Variants in RYR1 observed in about 807,000 individuals in gnomAD.
RYR1 encodes central core disease of muscle.
RYR1 carries 342 observed loss-of-function variants against 583.5 expected under a neutral mutation model. The ratio of observed to expected loss-of-function variants is 0.59; its 90% CI spans 0.54 to 0.64. The LOEUF is 0.64. RYR1 is among the 30% of genes least tolerant of loss of function. The pLI is 0.00. For missense variants in RYR1, 6,032 were observed against 6,917.2 expected, an observed-to-expected ratio of 0.87 and a Z score of 4.54; for synonymous variants, 2,791 against 2,822.5, an observed-to-expected ratio of 0.99 and a Z score of 0.35.
intron 9 of RYR1, among the ~76,000 whole-genome samples, chr19:38,447,193 C>G (rs1044870622): frequency 6.6e-6 from 1 of 151,690 alleles, no homozygotes; most frequent in Non-Finnish European, 1.5e-5. Context: ...CCACAGTACT[C>G]CAGTCTGGGT....
At chr19:38,451,306 G>T (rs1322017218) in intron 11 of RYR1, among the ~76,000 whole-genome samples, 1 of 152,180 alleles carries the variant, frequency 6.6e-6, no homozygotes, top group Admixed American at 6.6e-5. Flanking sequence ...AGGTCGGCTT[G>T]GGGTGAAGCT....
chr19:38,582,418 A>C (rs958729675), intron 101 of RYR1, among the ~76,000 whole-genome samples: 6 of 151,342 alleles, frequency 4.0e-5, no homozygotes, highest in Admixed American at 2.0e-4. Context: ...AAAAAAAAAA[A>C]GACTTAGACT....
Position 38,529,064 on chromosome 19 carries a change from A to G in RYR1, c.11141+7A>G, listed in dbSNP as rs78350770. 2,023 of 1,612,862 alleles carry G rather than the reference A, an allele frequency of 1.3e-3. 38 individuals are homozygous for G. In the East Asian group the frequency reaches 0.036, roughly 28 times the overall value. On this transcript the variant is annotated splice_region_variant and intron_variant, in intron 76 of 105. Coordinates refer to ENST00000359596, the MANE Select transcript of RYR1 (RefSeq NM_000540.3). ...CTGCCCTGACGGAAAAGAGGTGAAG[A>G]CTCTTGCCAGGGCCCCAGAAATGCC... is the stretch of plus-strand genomic sequence containing the variant.
At position 38,565,666 on chromosome 19, in the gene RYR1, C is replaced by T. The variant is rs745683436; in HGVS notation, c.13332C>T (p.Gly4444=). ...GGGCGGTGGCCGTGACCGATGGGGG[C>T]CCCTTCCGGCCCGAAGGGGCTGGCG... ...ADGAVAVTDG[G]PFRPEGAGGL... Residue 4444 remains glycine (G), a synonymous_variant, in exon 91 of 106, where the codon GGC becomes GGT. Transcript: ENST00000359596. The surrounding 1 kb of genome is among the most constrained non-coding windows in gnomAD (Gnocchi z 4.7). 1.7e-5 allele frequency: 24 copies of T among 1,390,346 alleles called. No individual in the cohort carries two copies. The East Asian group carries it at 4.5e-4, about 26-fold the overall frequency. The allele number at this position is 1,390,346 out of a possible 1,614,324, so 86.1% of individuals were successfully genotyped here.
At chr19:38,516,448 T>C (rs768113508) in intron 65 of RYR1, among the ~76,000 whole-genome samples, 1 of 152,092 alleles carries the variant, frequency 6.6e-6, no homozygotes, top group Non-Finnish European at 1.5e-5. Context: ...GAAAACAGAA[T>C]CTATTGATAA....
chr19:38,442,191 A>C (rs936920453), intron 2 of RYR1, among the ~76,000 whole-genome samples, 158 bp from the exon 3 acceptor site: 3 of 24,192 alleles, frequency 1.2e-4, no homozygotes, highest in Non-Finnish European at 2.4e-4. Context: ...AGTGTGTCTG[A>C]GGGGGATGGC....
intron 89 of RYR1, among the ~76,000 whole-genome samples, chr19:38,550,078 CT>C (rs1182239653): frequency 1.3e-5 from 2 of 152,024 alleles, no homozygotes; most frequent in African/African-American, 2.4e-5. Flanking sequence ...CTTTGAAACA[CT>C]TCAGCGTGTA....
intron 96 of RYR1, among the ~76,000 whole-genome samples, chr19:38,574,500 C>T (rs978345938): frequency 4.0e-5 from 6 of 151,736 alleles, no homozygotes; most frequent in South Asian, 2.1e-4. Context: ...GCCTGGCTAG[C>T]GCATGCCTGT....
At chr19:38,544,001 C>T in intron 87 of RYR1, 126 bp downstream of exon 87, 1 of 912,904 alleles carries the variant, frequency 1.1e-6, no homozygotes, top group Non-Finnish European at 1.7e-6. Flanking sequence ...CTGGTTCCCT[C>T]TCAGTGGCCA....
intron 13 of RYR1, among the ~76,000 whole-genome samples, chr19:38,453,590 A>T (rs1967209883): frequency 6.6e-6 from 1 of 151,834 alleles, no homozygotes; most frequent in Non-Finnish European, 1.5e-5. Flanking sequence ...GGAGATCAAT[A>T]AAATAAATAA....
At chr19:38,469,272 C>T in intron 26 of RYR1, 33 bp from the exon 27 acceptor site, 3 of 1,612,088 alleles carry the variant, frequency 1.9e-6, no homozygotes, top group Non-Finnish European at 2.5e-6. Context: ...GCCCACCTGC[C>T]CTCACCCCTG....
Position 38,525,516 on chromosome 19 carries a change from C to T in RYR1, c.10626+14C>T. ...CGTTACGCCCTGGTGCCTGCCCAGC[C>T]CCGTCCTCGGAACCTTCCAGGATGC... On this transcript the variant is annotated intron_variant, in intron 71 of 105. Coordinates refer to ENST00000359596, the MANE Select transcript of RYR1 (RefSeq NM_000540.3). 1 of 1,612,940 alleles carries T rather than the reference C, an allele frequency of 6.2e-7. No individual in the cohort carries two copies. Among genetic ancestry groups the T allele is most frequent in the Non-Finnish European group, 8.5e-7 (1 of 1,179,560 alleles).
intron 54 of RYR1, 120 bp downstream of exon 54, chr19:38,506,066 G>A (rs1420728829): frequency 7.4e-7 from 1 of 1,348,958 alleles, no homozygotes; most frequent in Non-Finnish European, 1.0e-6. Flanking sequence ...GGTGGGGCAA[G>A]AGGGGTGCAG....
At chr19:38,580,647 TC>T (rs1974162469) in intron 101 of RYR1, 143 bp downstream of exon 101, 1 of 1,068,516 alleles carries the variant, frequency 9.4e-7, no homozygotes, top group Non-Finnish European at 1.4e-6. Flanking sequence ...ATTACTTGAG[TC>T]CAGGAGTTGG....
In RYR1 at chr19:38,565,988, G is replaced by A. The variant is rs759580346; in HGVS notation, c.13437+217G>A. Among the ~76,000 whole-genome samples, 6 of 152,002 alleles carry A rather than the reference G, an allele frequency of 3.9e-5. No homozygotes were observed. The highest frequency in any genetic ancestry group is 8.8e-5 in the Non-Finnish European group (6 of 68,000). On this transcript the variant is annotated intron_variant, in intron 91 of 105. Coordinates refer to ENST00000359596, the MANE Select transcript of RYR1 (RefSeq NM_000540.3). This position sits in a 1 kb window ranked among gnomAD's most constrained non-coding sequence, Gnocchi z 4.7. ...ACAGAGGGATACTCAGACCCACAGA[G>A]AAAGAGACTCAGAGATGGAGACCTG...
intron 9 of RYR1, among the ~76,000 whole-genome samples, chr19:38,447,855 A>C (rs1973022625): frequency 1.3e-5 from 2 of 151,486 alleles, no homozygotes; most frequent in African/African-American, 4.8e-5. Context: ...AAAAAAAAAA[A>C]AAACAAGCAA....
intron 34 of RYR1, among the ~76,000 whole-genome samples, chr19:38,487,831 G>A (rs143874118): frequency 1.3e-5 from 2 of 152,214 alleles, no homozygotes; most frequent in Non-Finnish European, 2.9e-5. Context: ...GTGGAGTCTC[G>A]CTATTTTGCC....
rs1179510850 is a variant in RYR1 at position 38,485,741 on chromosome 19, G to A, written c.5086G>A (p.Ala1696Thr). 2.8e-5 allele frequency: 45 copies of A among 1,612,604 alleles called. No individual in the cohort carries two copies. Among genetic ancestry groups the A allele is most frequent in the Non-Finnish European group, 3.4e-5 (40 of 1,179,952 alleles). ...CGTAGACCAAGCTCAGCTGCTGCAC[G>A]CCCTGGAGGACGCGCACCTGCCAGG... ...SHVDQAQLLH[A>T]LEDAHLPGPL... Residue 1696 changes from alanine to threonine, a missense_variant, in exon 34 of 106, where the codon GCC becomes ACC. This residue lies in a region of RYR1 where 2,627 missense variants were observed against 2,961.3 expected (regional missense o/e 0.89). Coordinates refer to ENST00000359596, the MANE Select transcript of RYR1 (RefSeq NM_000540.3).
At chr19:38,474,563 CCTTT>C (rs1968614350) in intron 28 of RYR1, among the ~76,000 whole-genome samples, 1 of 130,542 alleles carries the variant, frequency 7.7e-6, no homozygotes, top group Non-Finnish European at 1.6e-5. Flanking sequence ...ACGCCCGGCT[CCTTT>C]TTTTTTTTTT....
Sources: gnomAD v4.1 joint callset for allele counts (sites outside exome capture counted in the v4.1 genomes callset) on GRCh38, gnomAD v4.1.1 for gene constraint, gnomAD v4.1.1 regional missense constraint, Gnocchi (gnomAD v3.1) non-coding constraint, MANE v1.5 for transcripts, NCBI Gene and HGNC (gene_info 2026-07-23, HGNC 2026-07-21) for gene names.